Variants in PTPRR observed in about 807,000 individuals in gnomAD.
PTPRR encodes the protein protein tyrosine phosphatase receptor type R, also known as receptor-type tyrosine-protein phosphatase R.
A neutral mutation model predicts 77.2 loss-of-function variants in PTPRR; 38 were observed. That is an observed-to-expected ratio of 0.49 (90% CI 0.38 to 0.65). PTPRR has a LOEUF of 0.65. Among genes scored for constraint, PTPRR ranks in the 30% least tolerant of loss-of-function variants. The pLI is 0.00. For missense variants in PTPRR, 744 were observed against 799.2 expected (o/e 0.93, Z 0.83); for synonymous variants, 299 against 283.1 (o/e 1.06, Z -0.57).
At chr12:70,751,608 C>T (rs1306599740) in intron 5 of PTPRR, among the ~76,000 whole-genome samples, 2 of 152,184 alleles carry the variant, frequency 1.3e-5, no homozygotes, top group Admixed American at 6.5e-5. Flanking sequence ...TCTCAAACAT[C>T]TCAGGTTGCT....
intron 2 of PTPRR, among the ~76,000 whole-genome samples, chr12:70,820,496 G>A (rs1447398099): frequency 6.6e-6 from 1 of 152,142 alleles, no homozygotes; most frequent in Non-Finnish European, 1.5e-5. Flanking sequence ...ACCACGCCTG[G>A]CTAATTTTTT....
At chr12:70,801,912 C>T (rs74602979) in intron 2 of PTPRR, among the ~76,000 whole-genome samples, 3,102 of 152,286 alleles carry the variant, frequency 0.02, 97 homozygotes, top group African/African-American at 0.07. Context: ...CTTTCTCCCA[C>T]ATCCTCCTTA....
chr12:70,669,820 G>A (rs533564154), intron 10 of PTPRR, among the ~76,000 whole-genome samples: 31 of 152,066 alleles, frequency 2.0e-4, no homozygotes, highest in African/African-American at 6.0e-4. Flanking sequence ...GGCTGGTCTC[G>A]AATTCCTGGC....
intron 13 of PTPRR, among the ~76,000 whole-genome samples, chr12:70,642,674 T>A (rs931970486): frequency 6.6e-6 from 1 of 152,126 alleles, no homozygotes. Context: ...GGTAAATACT[T>A]GTCAAATGAA....
rs537607169 is a variant in PTPRR, at chr12:70,744,036, C to G, written c.1007+1782G>C. On this transcript the variant is annotated intron_variant, in intron 6 of 13. Transcript: ENST00000283228. Reference sequence around the variant, plus strand: ...CCTATTGCCTGCAGACCCTTTCTTGCCACCGGCCCTTCGTTCATCACTGAT... The same window carrying G: ...CCTATTGCCTGCAGACCCTTTCTTGGCACCGGCCCTTCGTTCATCACTGAT... Among the ~76,000 whole-genome samples, 18 of 152,238 alleles carry G rather than the reference C, an allele frequency of 1.2e-4. 1 individual carries two copies. Among genetic ancestry groups the G allele is most frequent in the African/African-American group, 4.3e-4 (18 of 41,530 alleles).
chr12:70,693,325 GC>G (rs1888116678), intron 8 of PTPRR, among the ~76,000 whole-genome samples: 1 of 152,002 alleles, frequency 6.6e-6, no homozygotes, highest in Admixed American at 6.6e-5. Context: ...TCACTTTGTT[GC>G]CCAGGCTGAA....
intron 2 of PTPRR, among the ~76,000 whole-genome samples, chr12:70,877,625 C>T (rs1299953218): frequency 1.3e-5 from 2 of 152,120 alleles, no homozygotes; most frequent in African/African-American, 4.8e-5. Context: ...AAGAACATTC[C>T]ATGCTCACGG....
rs572395184 is a variant in PTPRR, at chr12:70,735,578, G to A, written c.1007+10240C>T. On this transcript the variant is annotated intron_variant, in intron 6 of 13. Transcript: ENST00000283228. ...CGGTTCAAGATGAGATTTGGGTGGG[G>A]ACATAGCCAAACCATATCAGAAGAT... 2.0e-5 allele frequency among the ~76,000 whole-genome samples: 3 copies of A among 152,298 alleles called. No homozygotes were observed. The South Asian group carries it at 6.2e-4, about 32-fold the overall frequency.
In PTPRR at chr12:70,900,573, A is replaced by G. The variant is rs187403008; in HGVS notation, c.59-7596T>C. On this transcript the variant is annotated intron_variant, in intron 1 of 13. Transcript: ENST00000283228. ...TTCTGCACAGCAAAGGAAACAATTA[A>G]CAAAGTCAAGTGATAACCCACAGAA... Among the ~76,000 whole-genome samples, 38 of 151,696 alleles carry G rather than the reference A, an allele frequency of 2.5e-4. No homozygotes were observed. The East Asian group carries it at 7.2e-3, about 29-fold the overall frequency.
At chr12:70,712,763 A>G (rs1421013166) in intron 6 of PTPRR, among the ~76,000 whole-genome samples, 1 of 152,038 alleles carries the variant, frequency 6.6e-6, no homozygotes, top group Non-Finnish European at 1.5e-5. Context: ...GCATGCTTTA[A>G]CCAAATCAAA....
At chr12:70,772,304 G>A (rs1027909469) in intron 2 of PTPRR, among the ~76,000 whole-genome samples, 2 of 151,998 alleles carry the variant, frequency 1.3e-5, no homozygotes, top group African/African-American at 2.4e-5. Context: ...CTCTAATAAC[G>A]AGATTGGTTT....
chr12:70,702,750 A>G (rs1254440277), intron 6 of PTPRR, among the ~76,000 whole-genome samples: 1 of 152,128 alleles, frequency 6.6e-6, no homozygotes, highest in Non-Finnish European at 1.5e-5. Context: ...CTTTAATTTG[A>G]TGGATATCTG....
chr12:70,675,892 C>CT (rs1047296484), intron 10 of PTPRR, among the ~76,000 whole-genome samples: 3,224 of 141,514 alleles, frequency 0.023, 116 homozygotes, highest in African/African-American at 0.075. Context: ...ATAGAAAAGC[C>CT]TTTTTTTTTT....
intron 2 of PTPRR, among the ~76,000 whole-genome samples, chr12:70,845,761 C>A (rs1200147839): frequency 6.6e-6 from 1 of 152,014 alleles, no homozygotes; most frequent in Non-Finnish European, 1.5e-5. Context: ...ATTAGAAAAT[C>A]CAGAAAGAAG....
At chr12:70,791,437 C>T (rs554496982) in intron 2 of PTPRR, among the ~76,000 whole-genome samples, 2 of 152,212 alleles carry the variant, frequency 1.3e-5, no homozygotes, top group South Asian at 2.1e-4. Flanking sequence ...ACTAATCAGA[C>T]TCTTTTAGAA....
chr12:70,797,542 T>C (rs1201403723), intron 2 of PTPRR, among the ~76,000 whole-genome samples: 2 of 152,202 alleles, frequency 1.3e-5, no homozygotes, highest in Non-Finnish European at 2.9e-5. Flanking sequence ...AGTTTCTGCC[T>C]CATCATCATC....
At chr12:70,831,905 A>G (rs1376264796) in intron 2 of PTPRR, among the ~76,000 whole-genome samples, 1 of 152,182 alleles carries the variant, frequency 6.6e-6, no homozygotes, top group Non-Finnish European at 1.5e-5. Flanking sequence ...CTCTAATTAT[A>G]TTAAAGCCTG....
intron 10 of PTPRR, among the ~76,000 whole-genome samples, chr12:70,683,242 A>T (rs1887740085): frequency 6.6e-6 from 1 of 152,238 alleles, no homozygotes; most frequent in South Asian, 2.1e-4. Context: ...TTTTGACAAG[A>T]AAACAAACAC....
chr12:70,668,375 G>T (rs557492538), intron 10 of PTPRR, among the ~76,000 whole-genome samples: 1 of 152,174 alleles, frequency 6.6e-6, no homozygotes, highest in South Asian at 2.1e-4. Flanking sequence ...TTGTAATGGG[G>T]TTTACAAATA....
Sources: allele counts gnomAD v4.1 joint callset (sites outside exome capture counted in the v4.1 genomes callset), GRCh38; gene constraint gnomAD v4.1.1; transcripts MANE v1.5; gene names NCBI Gene and HGNC (gene_info 2026-07-23, HGNC 2026-07-21).